The following GABBR2 variants were observed in gnomAD, a reference collection of about 807,000 sequenced individuals.
GABBR2 encodes the protein gamma-aminobutyric acid type B receptor subunit 2, also known as G-protein coupled receptor 51.
GABBR2 carries 23 observed loss-of-function variants against 105.6 expected under a neutral mutation model. The observed-to-expected ratio is 0.22, with a 90% confidence interval of 0.16 to 0.31. The LOEUF (loss-of-function observed/expected upper bound fraction) is 0.31, where lower values mean the gene tolerates loss of function less well. GABBR2 is among the 10% of genes least tolerant of loss of function. The pLI is 1.00. For synonymous variants in GABBR2, 478 were observed against 499.7 expected, an observed-to-expected ratio of 0.96 and a Z score of 0.58; for missense variants, 734 against 1,245.5, an observed-to-expected ratio of 0.59 and a Z score of 6.18.
intron 4 of GABBR2, among the ~76,000 whole-genome samples, chr9:98,486,939 C>T (rs1225274629): frequency 6.6e-6 from 1 of 152,118 alleles, no homozygotes; most frequent in Non-Finnish European, 1.5e-5. Context: ...CCACCCCCCA[C>T]TGGAAATGTC....
intron 7 of GABBR2, among the ~76,000 whole-genome samples, chr9:98,411,301 G>A (rs1009150524): frequency 6.6e-6 from 1 of 152,196 alleles, no homozygotes; most frequent in South Asian, 2.1e-4. Flanking sequence ...GGTAACTTAC[G>A]GATAAAACCC....
At chr9:98,485,128 T>C (rs182022133) in intron 4 of GABBR2, among the ~76,000 whole-genome samples, 1 of 152,330 alleles carries the variant, frequency 6.6e-6, no homozygotes, top group East Asian at 1.9e-4. Flanking sequence ...GACTTGGCTC[T>C]GCAGGGAGCT....
intron 2 of GABBR2, among the ~76,000 whole-genome samples, chr9:98,550,396 G>A (rs867469074): frequency 6.6e-6 from 1 of 152,134 alleles, no homozygotes; most frequent in Non-Finnish European, 1.5e-5. Context: ...CTTTAAAATG[G>A]TTAAAATGGC....
chr9:98,646,670 T>C (rs538542861), intron 1 of GABBR2, among the ~76,000 whole-genome samples: 32 of 152,278 alleles, frequency 2.1e-4, no homozygotes, highest in Admixed American at 1.2e-3. Flanking sequence ...GTTCAGTTGG[T>C]CTTGGGTGAC....
intron 3 of GABBR2, among the ~76,000 whole-genome samples, chr9:98,529,649 TAAC>T (rs1318255113): frequency 1.2e-3 from 180 of 152,298 alleles, no homozygotes; most frequent in African/African-American, 3.9e-3. Context: ...AAAATAAAAA[TAAC>T]CACAAAAAAG....
chr9:98,449,671 C>T (rs1826198969), intron 7 of GABBR2, among the ~76,000 whole-genome samples: 1 of 152,152 alleles, frequency 6.6e-6, no homozygotes, highest in African/African-American at 2.4e-5. Context: ...GAGCTGGGTT[C>T]CAAGCCCTGT....
chr9:98,611,836 C>T (rs1048716553), intron 1 of GABBR2, among the ~76,000 whole-genome samples: 2 of 152,244 alleles, frequency 1.3e-5, no homozygotes, highest in African/African-American at 4.8e-5. Flanking sequence ...TTCAGCACTG[C>T]TTCCCTGATG....
At chr9:98,575,096 CA>C (rs879657290) in intron 2 of GABBR2, among the ~76,000 whole-genome samples, 1 of 147,276 alleles carries the variant, frequency 6.8e-6, no homozygotes, top group Admixed American at 6.8e-5. Context: ...CACCCCCCCC[CA>C]AATCTGCAAA....
intron 13 of GABBR2, among the ~76,000 whole-genome samples, chr9:98,318,159 A>G (rs1830751702): frequency 6.6e-6 from 1 of 152,226 alleles, no homozygotes; most frequent in Non-Finnish European, 1.5e-5. Context: ...TCACTCGATA[A>G]TGTGAGCACA....
chr9:98,493,243 C>A (rs980554712), intron 4 of GABBR2, among the ~76,000 whole-genome samples: 1 of 152,186 alleles, frequency 6.6e-6, no homozygotes, highest in African/African-American at 2.4e-5. Flanking sequence ...TTATTCCTTA[C>A]CTTCTGGTAT....
rs74900183 is a variant in GABBR2, at chr9:98,613,193, C to A, written c.322-35121G>T. 3.0e-3 allele frequency among the ~76,000 whole-genome samples: 462 copies of A among 152,296 alleles called. 2 individuals carry two copies. Among genetic ancestry groups the A allele is most frequent in the Non-Finnish European group, 5.2e-3 (353 of 68,034 alleles). On this transcript the variant is annotated intron_variant, in intron 1 of 18. Coordinates refer to ENST00000259455, the MANE Select transcript of GABBR2 (RefSeq NM_005458.8). ...CCAGCTGATGCCTATAATTCCAACA[C>A]CTTGGGAGGCCAAGGTGAGAGGATC...
intron 1 of GABBR2, among the ~76,000 whole-genome samples, chr9:98,661,371 T>C (rs937332793): frequency 6.6e-6 from 1 of 152,066 alleles, no homozygotes; most frequent in African/African-American, 2.4e-5. Context: ...CTCTTTCTTA[T>C]TTTTCCTTTT....
intron 1 of GABBR2, among the ~76,000 whole-genome samples, chr9:98,635,936 A>G (rs1380873892): frequency 6.6e-6 from 1 of 152,102 alleles, no homozygotes; most frequent in East Asian, 1.9e-4. Flanking sequence ...TAGCCTTGCC[A>G]CACAGTGTCC....
chr9:98,681,559 T>A (rs1830547096), intron 1 of GABBR2, among the ~76,000 whole-genome samples: 1 of 151,300 alleles, frequency 6.6e-6, no homozygotes, highest in Non-Finnish European at 1.5e-5. Context: ...AATGTGCACA[T>A]GTACCCTAAA....
At chr9:98,382,961 A>G (rs1336034762) in intron 11 of GABBR2, among the ~76,000 whole-genome samples, 3 of 150,880 alleles carry the variant, frequency 2.0e-5, no homozygotes, top group African/African-American at 7.3e-5. Context: ...TTTTTTTGAG[A>G]TGGAGTTTCA....
intron 3 of GABBR2, among the ~76,000 whole-genome samples, chr9:98,519,144 G>T (rs899936563): frequency 1.3e-5 from 2 of 152,328 alleles, no homozygotes; most frequent in Non-Finnish European, 1.5e-5. Context: ...CCCCTGGGCT[G>T]TGAGCAACTG....
intron 13 of GABBR2, among the ~76,000 whole-genome samples, chr9:98,323,584 T>G (rs1284174979): frequency 6.6e-6 from 1 of 152,132 alleles, no homozygotes; most frequent in East Asian, 1.9e-4. Flanking sequence ...GCCCCTAAAG[T>G]GAGTAGAGCT....
At chr9:98,590,013 G>A (rs1330597299) in intron 1 of GABBR2, among the ~76,000 whole-genome samples, 2 of 152,180 alleles carry the variant, frequency 1.3e-5, no homozygotes, top group Non-Finnish European at 2.9e-5. Flanking sequence ...ACAGGCATGA[G>A]CCATCATGCC....
intron 3 of GABBR2, among the ~76,000 whole-genome samples, chr9:98,520,168 T>C (rs1387489699): frequency 1.3e-5 from 2 of 152,174 alleles, no homozygotes; most frequent in African/African-American, 2.4e-5. Flanking sequence ...ATGGCTAAGG[T>C]TCAATAAATG....
Sources: gnomAD v4.1 joint callset for allele counts (sites outside exome capture counted in the v4.1 genomes callset) on GRCh38, gnomAD v4.1.1 for gene constraint, MANE v1.5 for transcripts, NCBI Gene and HGNC (gene_info 2026-07-23, HGNC 2026-07-21) for gene names.